EIF4EBP2: variants seen among roughly 807,000 people sequenced by gnomAD.
EIF4EBP2 encodes eukaryotic translation initiation factor 4E binding protein 2, also known as eukaryotic translation initiation factor 4E-binding protein 2.
In EIF4EBP2, 5 loss-of-function variants were observed where a neutral mutation model predicts 10.3. The ratio of observed to expected loss-of-function variants is 0.48; its 90% CI spans 0.25 to 1.02. EIF4EBP2 has a LOEUF of 1.02. Ranked by LOEUF, EIF4EBP2 falls within the 50% of genes least tolerant of loss-of-function variation. The probability of loss-of-function intolerance (pLI) is 0.15; values close to 1 mark genes in which losing one functional copy is unlikely to be tolerated. For missense variants in EIF4EBP2, 188 were observed against 162.2 expected (o/e 1.16, Z -0.86); for synonymous variants, 67 against 61.1 (o/e 1.10, Z -0.45).
At chr10:70,415,994 G>A (rs951457107) in intron 1 of EIF4EBP2, among the ~76,000 whole-genome samples, 1 of 152,160 alleles carries the variant, frequency 6.6e-6, no homozygotes, top group South Asian at 2.1e-4. Flanking sequence ...TCACATAAGA[G>A]ATTTATATCC....
chr10:70,418,635 G>C lies in EIF4EBP2; in HGVS notation c.146-1279G>C, dbSNP rs1845123263. Among the ~76,000 whole-genome samples the C allele has an allele frequency of 2.0e-5, 3 of 152,148 alleles. No individual in the cohort carries two copies. In the South Asian group the frequency reaches 6.2e-4, roughly 32 times the overall value. ...CATAAAGGGATTTAAATCTGTATTA[G>C]AAGTATTTTCATTCAAGATAATTGA... On this transcript the variant is annotated intron_variant, in intron 1 of 2. Coordinates refer to ENST00000373218, the MANE Select transcript of EIF4EBP2 (RefSeq NM_004096.5).
rs1845190418 is a variant in EIF4EBP2, at chr10:70,424,730, C to G, written c.*2983C>G. ...AATCGAGCTTAATGAGAAGTGACTTCCCTTCAAATTCCAACAGCAGACATG... is the reference window on the plus strand; with the variant it reads ...AATCGAGCTTAATGAGAAGTGACTTGCCTTCAAATTCCAACAGCAGACATG... On this transcript the variant is annotated 3_prime_UTR_variant, in exon 3 of 3. Transcript: ENST00000373218. 6.6e-6 allele frequency: 1 copy of G among 152,212 alleles called. No homozygotes were observed. The highest frequency in any genetic ancestry group is 2.1e-4 in the South Asian group (1 of 4,826). The allele number at this position is 152,212 out of a possible 1,614,324, so 9.4% of individuals were successfully genotyped here. A position where few individuals can be genotyped will look rare whatever the true frequency, so the allele number is the denominator to read the frequency against.
At chr10:70,410,783 G>T (rs556011137) in intron 1 of EIF4EBP2, among the ~76,000 whole-genome samples, 1 of 152,226 alleles carries the variant, frequency 6.6e-6, no homozygotes, top group African/African-American at 2.4e-5. Context: ...AGCACTTGCT[G>T]CTTGTTCATC....
In EIF4EBP2 at chr10:70,423,839, A is replaced by G. The variant is rs970452123; in HGVS notation, c.*2092A>G. On this transcript the variant is annotated 3_prime_UTR_variant, in exon 3 of 3. Coordinates refer to ENST00000373218, the MANE Select transcript of EIF4EBP2 (RefSeq NM_004096.5). ...CTTTGAGTCTCAAAAAAAATTGATA[A>G]TCAGAAAAGTAATTTTTGTTTGTTT... is the stretch of plus-strand genomic sequence containing the variant. 1 of 152,628 alleles carries G rather than the reference A, an allele frequency of 6.6e-6. No individual in the cohort carries two copies. Among genetic ancestry groups the G allele is most frequent in the African/African-American group, 2.4e-5 (1 of 41,446 alleles). 9.5% of individuals were successfully genotyped at this position (152,628 alleles called of 1,614,324 possible).
At chr10:70,410,620 A>T (rs1845034392) in intron 1 of EIF4EBP2, among the ~76,000 whole-genome samples, 1 of 152,278 alleles carries the variant, frequency 6.6e-6, no homozygotes, top group Non-Finnish European at 1.5e-5. Flanking sequence ...TCAATAAAAC[A>T]TAGACCTTGT....
Position 70,404,573 on chromosome 10 carries a change from G to T in EIF4EBP2, c.145+27G>T, listed in dbSNP as rs1844948453. The T allele has an allele frequency of 1.3e-5, 20 of 1,512,038 alleles. No homozygotes were observed. The East Asian group carries it at 2.3e-4, about 17-fold the overall frequency. The allele number at this position is 1,512,038 out of a possible 1,614,324, so 93.7% of individuals were successfully genotyped here. A position where few individuals can be genotyped will look rare whatever the true frequency, so the allele number is the denominator to read the frequency against. On this transcript the variant is annotated intron_variant, in intron 1 of 2. Transcript: ENST00000373218. ...TGAGCGCCGGCCAGCCGTCCGCCGC[G>T]CCCGGTGTCCCGCCGCGGTCCTCTA...
chr10:70,410,600 T>C (rs899775462), intron 1 of EIF4EBP2, among the ~76,000 whole-genome samples: 1 of 152,282 alleles, frequency 6.6e-6, no homozygotes, highest in Non-Finnish European at 1.5e-5. Context: ...ATGAATGTTC[T>C]ATAACTCAGT....
chr10:70,416,577 C>G (rs868680653), intron 1 of EIF4EBP2, among the ~76,000 whole-genome samples: 1 of 79,786 alleles, frequency 1.3e-5, no homozygotes, highest in East Asian at 4.7e-4. Flanking sequence ...GACTCTGTCT[C>G]AAAAAAAAAA....
intron 1 of EIF4EBP2, among the ~76,000 whole-genome samples, chr10:70,415,033 C>A (rs1306876447): frequency 6.6e-6 from 1 of 151,794 alleles, no homozygotes; most frequent in Non-Finnish European, 1.5e-5. Flanking sequence ...TGACATGTGC[C>A]TGTAGTCCCA....
Position 70,422,041 on chromosome 10 carries a change from T to C in EIF4EBP2, c.*294T>C. 1 of 402,352 alleles carries C rather than the reference T, an allele frequency of 2.5e-6. No individual in the cohort carries two copies. Among genetic ancestry groups the C allele is most frequent in the Non-Finnish European group, 4.5e-6 (1 of 221,286 alleles). 24.9% of individuals were successfully genotyped at this position (402,352 alleles called of 1,614,324 possible). ...GAGGAAAACAGTTCAACTCTGACTTTCCTAGTTGTTTTTTTATTGAGAGCC... is the reference window on the plus strand; with the variant it reads ...GAGGAAAACAGTTCAACTCTGACTTCCCTAGTTGTTTTTTTATTGAGAGCC... On this transcript the variant is annotated 3_prime_UTR_variant, in exon 3 of 3. Coordinates refer to ENST00000373218, the MANE Select transcript of EIF4EBP2 (RefSeq NM_004096.5).
chr10:70,406,925 T>G (rs1844970276), intron 1 of EIF4EBP2, among the ~76,000 whole-genome samples: 1 of 152,142 alleles, frequency 6.6e-6, no homozygotes, highest in Non-Finnish European at 1.5e-5. Flanking sequence ...GGAGACGGAG[T>G]TTCGCTCTGT....
intron 1 of EIF4EBP2, among the ~76,000 whole-genome samples, chr10:70,407,315 T>G (rs1486871684): frequency 6.6e-6 from 1 of 152,100 alleles, no homozygotes; most frequent in Non-Finnish European, 1.5e-5. Flanking sequence ...TGGTGATGAC[T>G]CTTAACGAGC....
rs1276574239 is a variant in EIF4EBP2 at position 70,425,761 on chromosome 10, T to C, written c.*4014T>C. On this transcript the variant is annotated 3_prime_UTR_variant, in exon 3 of 3. Transcript: ENST00000373218. The stretch of plus-strand genomic sequence containing the variant: ...AACTGGGGCCTTCCAGCCGAGCCAC[T>C]AAACCTGTCTTATTTGGAATGGGGA... 1.3e-5 allele frequency: 2 copies of C among 152,254 alleles called. No homozygotes were observed. The highest frequency in any genetic ancestry group is 6.5e-5 in the Admixed American group (1 of 15,280). The allele number at this position is 152,254 out of a possible 1,614,324, so 9.4% of individuals were successfully genotyped here. A position where few individuals can be genotyped will look rare whatever the true frequency, so the allele number is the denominator to read the frequency against.
chr10:70,417,665 TA>T (rs2137230346), intron 1 of EIF4EBP2, among the ~76,000 whole-genome samples: 1 of 152,322 alleles, frequency 6.6e-6, no homozygotes, highest in South Asian at 2.1e-4. Context: ...ATACATAATT[TA>T]GAAAGCTTGC....
chr10:70,415,767 G>A (rs911474150), intron 1 of EIF4EBP2, among the ~76,000 whole-genome samples: 5 of 152,092 alleles, frequency 3.3e-5, no homozygotes, highest in African/African-American at 1.2e-4. Context: ...CTAAATGTCA[G>A]AGCAAAAGCT....
intron 2 of EIF4EBP2, among the ~76,000 whole-genome samples, chr10:70,420,853 G>T (rs1457681695): frequency 6.6e-6 from 1 of 152,138 alleles, no homozygotes; most frequent in Non-Finnish European, 1.5e-5. Context: ...GGAGTGCAGT[G>T]GCACGATCTC....
Position 70,422,969 on chromosome 10 carries a change from A to G in EIF4EBP2, c.*1222A>G, listed in dbSNP as rs1845173488. On this transcript the variant is annotated 3_prime_UTR_variant, in exon 3 of 3. Transcript: ENST00000373218. ...TGTTGTACTCTGAATTTCTCTCCCT[A>G]CCTCCCTCACTTTCTTCCTCTCTCC... The G allele has an allele frequency of 6.7e-6, 1 of 150,028 alleles. No homozygotes were observed. Among genetic ancestry groups the G allele is most frequent in the East Asian group, 2.0e-4 (1 of 5,064 alleles). The allele number at this position is 150,028 out of a possible 1,614,324, so 9.3% of individuals were successfully genotyped here. A position where few individuals can be genotyped will look rare whatever the true frequency, so the allele number is the denominator to read the frequency against.
Position 70,423,117 on chromosome 10 carries a change from GA to G in EIF4EBP2, c.*1371del, listed in dbSNP as rs756409952. 1.3e-5 allele frequency: 2 copies of G among 152,538 alleles called. No homozygotes were observed. The highest frequency in any genetic ancestry group is 2.9e-5 in the Non-Finnish European group (2 of 68,014). 9.4% of individuals were successfully genotyped at this position (152,538 alleles called of 1,614,324 possible). ...CTGAGAAGTGACCTTTTATTTTTAAGATGACTACAGACCTATTTTTAGATAT... is the reference window on the plus strand; with the variant it reads ...CTGAGAAGTGACCTTTTATTTTTAAGTGACTACAGACCTATTTTTAGATAT... On this transcript the variant is annotated 3_prime_UTR_variant, in exon 3 of 3. Coordinates refer to ENST00000373218, the MANE Select transcript of EIF4EBP2 (RefSeq NM_004096.5).
rs1347800623 is a variant in EIF4EBP2 at position 70,426,619 on chromosome 10, C to T, written c.*4872C>T. On this transcript the variant is annotated 3_prime_UTR_variant, in exon 3 of 3. Transcript: ENST00000373218. ...TTTGGATTTATGCTCTGCCTCTTCC[C>T]AGCATTTTCTTATCTGTAGCCCTGC... is the stretch of plus-strand genomic sequence containing the variant. 1 of 152,218 alleles carries T rather than the reference C, an allele frequency of 6.6e-6. No individual in the cohort carries two copies. 9.4% of individuals were successfully genotyped at this position (152,218 alleles called of 1,614,324 possible). A position where few individuals can be genotyped will look rare whatever the true frequency, so the allele number is the denominator to read the frequency against.
Sources: allele counts gnomAD v4.1 joint callset (sites outside exome capture counted in the v4.1 genomes callset), GRCh38; gene constraint gnomAD v4.1.1; transcripts MANE v1.5; gene names NCBI Gene and HGNC (gene_info 2026-07-23, HGNC 2026-07-21).